ANAPC10: variants seen among roughly 807,000 people sequenced by gnomAD.
ANAPC10 encodes anaphase promoting complex subunit 10, also known as anaphase-promoting complex subunit 10.
A neutral mutation model predicts 22.0 loss-of-function variants in ANAPC10; 12 were observed. The ratio of observed to expected loss-of-function variants is 0.55; its 90% CI spans 0.35 to 0.88. The LOEUF (loss-of-function observed/expected upper bound fraction) is 0.88, where lower values mean the gene tolerates loss of function less well. ANAPC10 is among the 40% of genes least tolerant of loss of function. The pLI, the probability that ANAPC10 is intolerant of heterozygous loss-of-function variation, is 0.01. For missense variants in ANAPC10, 188 were observed against 220.9 expected, an observed-to-expected ratio of 0.85 and a Z score of 0.94; for synonymous variants, 65 against 69.5, an observed-to-expected ratio of 0.94 and a Z score of 0.32.
At chr4:145,075,143 G>A (rs1188657259) in intron 3 of ANAPC10, among the ~76,000 whole-genome samples, 1 of 152,052 alleles carries the variant, frequency 6.6e-6, no homozygotes, top group Non-Finnish European at 1.5e-5. Flanking sequence ...TTACCTTATT[G>A]CATCCCAAAA....
chr4:145,095,500 G>A (rs1438571045), intron 2 of ANAPC10, among the ~76,000 whole-genome samples: 2 of 152,082 alleles, frequency 1.3e-5, no homozygotes, highest in Non-Finnish European at 1.5e-5. Context: ...CAACATCATC[G>A]TGGCTTGATG....
chr4:145,088,050 A>G (rs1175697652), intron 2 of ANAPC10, among the ~76,000 whole-genome samples: 5 of 152,162 alleles, frequency 3.3e-5, no homozygotes, highest in African/African-American at 1.2e-4. Flanking sequence ...TCCACCTCAA[A>G]GAATAAAAAT....
At chr4:145,065,881 G>A (rs369818220) in intron 3 of ANAPC10, among the ~76,000 whole-genome samples, 3 of 151,880 alleles carry the variant, frequency 2.0e-5, no homozygotes, top group South Asian at 2.1e-4. Context: ...AACTGTTTTC[G>A]TGGGATGGGA....
intron 3 of ANAPC10, among the ~76,000 whole-genome samples, chr4:145,074,021 C>T (rs1744850481): frequency 6.6e-6 from 1 of 151,848 alleles, no homozygotes; most frequent in Admixed American, 6.6e-5. Context: ...AACTAAATTA[C>T]TCCCCAATTT....
chr4:145,012,124 T>C (rs1469242508), intron 4 of ANAPC10, among the ~76,000 whole-genome samples: 1 of 150,826 alleles, frequency 6.6e-6, no homozygotes, highest in Non-Finnish European at 1.5e-5. Flanking sequence ...GCAGCTCTAA[T>C]AGAAAAACAG....
intron 1 of ANAPC10, chr4:145,097,540 GGCACACAA>G: frequency 7.8e-7 from 1 of 1,287,094 alleles, no homozygotes; most frequent in Non-Finnish European, 1.0e-6. Context: ...TTCTTTAATC[GGCACACAA>G]GCACTTGATA....
At chr4:145,037,364 A>G (rs1323689645) in intron 4 of ANAPC10, among the ~76,000 whole-genome samples, 1 of 152,172 alleles carries the variant, frequency 6.6e-6, no homozygotes, top group African/African-American at 2.4e-5. Flanking sequence ...TTCTATTACC[A>G]TAATTTTTTA....
intron 4 of ANAPC10, among the ~76,000 whole-genome samples, chr4:145,052,670 C>T (rs569788019): frequency 1.4e-4 from 21 of 151,920 alleles, no homozygotes; most frequent in Non-Finnish European, 2.9e-4. Flanking sequence ...GAGGCTCAGG[C>T]GGGCACAGAT....
intron 4 of ANAPC10, among the ~76,000 whole-genome samples, chr4:145,036,428 A>G (rs752112134): frequency 6.6e-6 from 1 of 152,224 alleles, no homozygotes; most frequent in Non-Finnish European, 1.5e-5. Flanking sequence ...TGGCTAACAT[A>G]GCTAACAGGA....
intron 4 of ANAPC10, among the ~76,000 whole-genome samples, chr4:145,045,467 G>A (rs905104386): frequency 6.6e-6 from 1 of 151,838 alleles, no homozygotes; most frequent in Admixed American, 6.6e-5. Flanking sequence ...TAAATTCCCT[G>A]GTCATCTCCC....
At chr4:145,063,761 G>C (rs1743248602) in intron 4 of ANAPC10, among the ~76,000 whole-genome samples, 1 of 152,032 alleles carries the variant, frequency 6.6e-6, no homozygotes, top group Non-Finnish European at 1.5e-5. Context: ...TATTCAAACA[G>C]TGAAATACAA....
intron 4 of ANAPC10, among the ~76,000 whole-genome samples, chr4:145,012,472 T>C (rs193207675): frequency 7.2e-5 from 11 of 152,148 alleles, no homozygotes; most frequent in African/African-American, 2.2e-4. Flanking sequence ...GAATACACTT[T>C]TAATAAAAAT....
chr4:145,009,865 T>C (rs1462588726), intron 4 of ANAPC10, among the ~76,000 whole-genome samples: 1 of 152,128 alleles, frequency 6.6e-6, no homozygotes, highest in Admixed American at 6.5e-5. Context: ...CAAAAGAAAC[T>C]ACCATCAGAG....
intron 3 of ANAPC10, among the ~76,000 whole-genome samples, chr4:145,079,563 A>G (rs2126576575): frequency 6.6e-6 from 1 of 152,342 alleles, no homozygotes; most frequent in Non-Finnish European, 1.5e-5. Context: ...ATTTCACCAT[A>G]AGACAAATGC....
intron 4 of ANAPC10, among the ~76,000 whole-genome samples, chr4:144,999,603 A>G (rs1001712785): frequency 1.5e-4 from 23 of 152,340 alleles, no homozygotes; most frequent in Admixed American, 5.9e-4. Context: ...GGAAGAATCA[A>G]TATCGTGAAA....
chr4:145,044,029 T>C (rs1739912267), intron 4 of ANAPC10, among the ~76,000 whole-genome samples: 1 of 152,086 alleles, frequency 6.6e-6, no homozygotes. Context: ...GTAAATGTTC[T>C]TTCTCTCTTT....
At chr4:145,046,433 G>A (rs528153864) in intron 4 of ANAPC10, among the ~76,000 whole-genome samples, 1 of 151,840 alleles carries the variant, frequency 6.6e-6, no homozygotes, top group African/African-American at 2.4e-5. Flanking sequence ...AATTCCATAA[G>A]CACAAACAAT....
Position 145,064,586 on chromosome 4 carries a change from G to A in ANAPC10, c.313C>T (p.Leu105Phe). 6.2e-7 allele frequency: 1 copy of A among 1,604,578 alleles called. No homozygotes were observed. The highest frequency in any genetic ancestry group is 8.5e-7 in the Non-Finnish European group (1 of 1,175,890). ...GAAAGACATACCCGAATTTCTTGAA[G>A]GTTGTGAAAATTATTTCCTACTCTG... ...SVRVGNNFHN[L>F]QEIRQLELVE... The change falls in exon 4 of 5, where the codon CTT becomes TTT. Residue 105 changes from leucine to phenylalanine, a missense_variant. Coordinates refer to ENST00000507656, the MANE Select transcript of ANAPC10 (RefSeq NM_001256706.2).
intron 4 of ANAPC10, among the ~76,000 whole-genome samples, chr4:145,031,998 G>T (rs2127061467): frequency 6.6e-6 from 1 of 152,288 alleles, no homozygotes; most frequent in Admixed American, 6.5e-5. Context: ...GCTCGAGCAG[G>T]TCCGGAAGGC....
Sources: gnomAD v4.1 joint callset for allele counts (sites outside exome capture counted in the v4.1 genomes callset) on GRCh38, gnomAD v4.1.1 for gene constraint, MANE v1.5 for transcripts, NCBI Gene and HGNC (gene_info 2026-07-23, HGNC 2026-07-21) for gene names.